Variants in EGFL8 observed in about 807,000 individuals in gnomAD.
EGFL8 encodes EGF like domain multiple 8, also known as epidermal growth factor-like protein 8.
A neutral mutation model predicts 39.4 loss-of-function variants in EGFL8; 32 were observed. The ratio of observed to expected loss-of-function variants is 0.81; its 90% CI spans 0.61 to 1.09. The LOEUF (loss-of-function observed/expected upper bound fraction) is 1.09. EGFL8 is among the 50% of genes least tolerant of loss of function. EGFL8 has a pLI of 0.00. For missense variants in EGFL8, 385 were observed against 402.2 expected, an observed-to-expected ratio of 0.96 and a Z score of 0.37; for synonymous variants, 177 against 168.5, an observed-to-expected ratio of 1.05 and a Z score of -0.39.
At position 32,167,379 on chromosome 6, in the gene EGFL8, C is replaced by G; in HGVS notation, c.631C>G (p.Leu211Val). The G allele has an allele frequency of 6.2e-7, 1 of 1,613,050 alleles. No individual in the cohort carries two copies. Among genetic ancestry groups the G allele is most frequent in the Non-Finnish European group, 8.5e-7 (1 of 1,179,988 alleles). Residue 211 changes from leucine (L) to valine (V), a missense_variant, in exon 7 of 9, where the codon CTG (leucine) becomes GTG (valine). Physicochemically the swap from Leu to Val is conservative, Grantham distance 32. Coordinates refer to ENST00000333845, the MANE Select transcript of EGFL8 (RefSeq NM_030652.4). The surrounding 1 kb of genome is among the most constrained non-coding windows in gnomAD (Gnocchi z 6.4). The stretch of plus-strand genomic sequence containing the variant: ...GGAGGCGGAAAAAGATGAGCGCGCT[C>G]TGAAGCAGGAGATTCACGAGCTGCG... Reference protein sequence around the residue: ...VREAEKDERALKQEIHELRGR... With the variant: ...VREAEKDERAVKQEIHELRGR...
chr6:32,167,233 A>G lies in EGFL8; in HGVS notation c.577A>G (p.Ser193Gly). The G allele has an allele frequency of 1.2e-6, 2 of 1,612,428 alleles. No homozygotes were observed. The highest frequency in any genetic ancestry group is 1.7e-6 in the Non-Finnish European group (2 of 1,179,682). Residue 193 changes from serine (S) to glycine (G), a missense_variant, in exon 6 of 9, where the codon AGT becomes GGT. Transcript: ENST00000333845. This position sits in a 1 kb window ranked among gnomAD's most constrained non-coding sequence, Gnocchi z 6.4. ...GGAGGGGTCCCCAGAGCCCCCAACC[A>G]GTGCCAGCATACTCAGCGTGGCCGG... ...CMEGSPEPPT[S>G]ASILSVAVRE... is the part of the protein sequence containing the mutation.
Position 32,166,796 on chromosome 6 carries a change from C to A in EGFL8, c.320C>A (p.Ala107Glu). 6.4e-7 allele frequency: 1 copy of A among 1,570,074 alleles called. No individual in the cohort carries two copies. Among genetic ancestry groups the A allele is most frequent in the South Asian group, 1.2e-5 (1 of 84,392 alleles). Residue 107 changes from alanine (A) to glutamate (E), a missense_variant, in exon 4 of 9, where the codon GCG becomes GAG. By Grantham distance (107) the Ala-to-Glu change is moderately radical. Coordinates refer to ENST00000333845, the MANE Select transcript of EGFL8 (RefSeq NM_030652.4). The surrounding 1 kb of genome is among the most constrained non-coding windows in gnomAD (Gnocchi z 7.3). ...CQGWKKRHPG[A>E]LTCEAICAKP... ...GGCTGGAAGAAGCGGCACCCGGGGG[C>A]GCTCACCTGTGAAGGTGAGGCTGGG...
chr6:32,166,057 C>T lies in EGFL8; in HGVS notation c.-28-81C>T. Reference sequence around the variant, plus strand: ...TCCTGACTCCCTTAGAGGGTACCTGCAGAGTGCCCTTGGAGGGACTAGTGC... The same window carrying T: ...TCCTGACTCCCTTAGAGGGTACCTGTAGAGTGCCCTTGGAGGGACTAGTGC... On this transcript the variant is annotated intron_variant, in intron 1 of 8. Transcript: ENST00000333845. The surrounding 1 kb of genome is among the most constrained non-coding windows in gnomAD (Gnocchi z 7.3). 1.9e-6 allele frequency: 2 copies of T among 1,072,654 alleles called. No homozygotes were observed. The highest frequency in any genetic ancestry group is 2.8e-6 in the Non-Finnish European group (2 of 702,436). 66.4% of individuals were successfully genotyped at this position (1,072,654 alleles called of 1,614,324 possible). A position where few individuals can be genotyped will look rare whatever the true frequency, so the allele number is the denominator to read the frequency against.
At position 32,165,957 on chromosome 6, in the gene EGFL8, T is replaced by C. The variant is rs1784448311; in HGVS notation, c.-28-181T>C. The C allele has an allele frequency of 4.9e-6, 3 of 611,248 alleles. No homozygotes were observed. The Admixed American group carries it at 8.1e-5, about 16-fold the overall frequency. The allele number at this position is 611,248 out of a possible 1,614,324, so 37.9% of individuals were successfully genotyped here. A position where few individuals can be genotyped will look rare whatever the true frequency, so the allele number is the denominator to read the frequency against. On this transcript the variant is annotated intron_variant, in intron 1 of 8. Coordinates refer to ENST00000333845, the MANE Select transcript of EGFL8 (RefSeq NM_030652.4). ...TTATGATGCTGAAAGGATCATGATA[T>C]GCTAAGGACAGGATAGTGTTGGGTT...
chr6:32,166,331 C>G lies in EGFL8; in HGVS notation c.101+65C>G, dbSNP rs1426996557. ...CAGGAGCCTTCTGCTGGGGGTGGGG[C>G]TTCACAGGAGGCAAAACATAACTGT... On this transcript the variant is annotated intron_variant, in intron 2 of 8. Coordinates refer to ENST00000333845, the MANE Select transcript of EGFL8 (RefSeq NM_030652.4). This position sits in a 1 kb window ranked among gnomAD's most constrained non-coding sequence, Gnocchi z 7.3. 1.3e-6 allele frequency: 2 copies of G among 1,598,094 alleles called. No homozygotes were observed. Among genetic ancestry groups the G allele is most frequent in the African/African-American group, 2.7e-5 (2 of 74,514 alleles).
rs1784516697 is a variant in EGFL8 at position 32,166,680 on chromosome 6, G to A, written c.225-21G>A. On this transcript the variant is annotated intron_variant, in intron 3 of 8. Coordinates refer to ENST00000333845, the MANE Select transcript of EGFL8 (RefSeq NM_030652.4). The surrounding 1 kb of genome is among the most constrained non-coding windows in gnomAD (Gnocchi z 7.3). ...AACTAGGACCCGTACTCAGGGTCCT[G>A]AGCCGGGCGCTGTGTTCCAGGACCA... is the stretch of plus-strand genomic sequence containing the variant. 2.5e-6 allele frequency: 4 copies of A among 1,613,488 alleles called. 1 individual carries two copies. In the South Asian group the frequency reaches 4.4e-5, roughly 18 times the overall value.
At position 32,164,905 on chromosome 6, in the gene EGFL8, G is replaced by T. The variant is rs935552589; in HGVS notation, c.-29+248G>T. Among the ~76,000 whole-genome samples the T allele has an allele frequency of 4.6e-5, 7 of 151,654 alleles. No individual in the cohort carries two copies. Among genetic ancestry groups the T allele is most frequent in the African/African-American group, 1.7e-4 (7 of 41,288 alleles). ...AGGTATATAGCTAGGGGTTTTTTTT[G>T]TTTGTTTGTTTTGTTTGTTTTTTTG... On this transcript the variant is annotated intron_variant, in intron 1 of 8. Transcript: ENST00000333845. This position sits in a 1 kb window ranked among gnomAD's most constrained non-coding sequence, Gnocchi z 5.4.
Position 32,166,235 on chromosome 6 carries a change from G to C in EGFL8, c.70G>C (p.Glu24Gln), listed in dbSNP as rs199859631. 3.1e-6 allele frequency: 5 copies of C among 1,613,994 alleles called. No individual in the cohort carries two copies. Among genetic ancestry groups the C allele is most frequent in the Non-Finnish European group, 4.2e-6 (5 of 1,180,010 alleles). ...CTTCCTCCTGCTACTGATACCAGGCGAGGGGGCCAAGGGTGGATCCCTCAG... is the reference window on the plus strand; with the variant it reads ...CTTCCTCCTGCTACTGATACCAGGCCAGGGGGCCAAGGGTGGATCCCTCAG... ...FSFLLLLIPG[E>Q]GAKGGSLRES... Residue 24 changes from glutamate (E) to glutamine (Q), a missense_variant, in exon 2 of 9, where the codon GAG becomes CAG. Glu to Gln is a conservative substitution (Grantham distance 29). Transcript: ENST00000333845. This position sits in a 1 kb window ranked among gnomAD's most constrained non-coding sequence, Gnocchi z 7.3.
chr6:32,167,830 C>G lies in EGFL8; in HGVS notation c.836-80C>G. On this transcript the variant is annotated intron_variant, in intron 8 of 8. Transcript: ENST00000333845. The surrounding 1 kb of genome is among the most constrained non-coding windows in gnomAD (Gnocchi z 6.4). ...AATCCTGTCCCCAGCCCAACAGTTT[C>G]ACTTATTGTTTGGTGAGAGTGGCAG... The G allele has an allele frequency of 6.4e-7, 1 of 1,557,350 alleles. No homozygotes were observed. The highest frequency in any genetic ancestry group is 2.3e-5 in the East Asian group (1 of 44,322).
rs1300965019 is a variant in EGFL8 at position 32,167,499 on chromosome 6, C to A, written c.682-4C>A. On this transcript the variant is annotated splice_region_variant and splice_polypyrimidine_tract_variant and intron_variant, in intron 7 of 8. Coordinates refer to ENST00000333845, the MANE Select transcript of EGFL8 (RefSeq NM_030652.4). This position sits in a 1 kb window ranked among gnomAD's most constrained non-coding sequence, Gnocchi z 6.4. Reference sequence around the variant, plus strand: ...AATACCCTGAGGCATCTCTTCCTTTCTAGTGGGCCGGTCAGGCTGGGGCCT... The same window carrying A: ...AATACCCTGAGGCATCTCTTCCTTTATAGTGGGCCGGTCAGGCTGGGGCCT... The A allele has an allele frequency of 6.2e-7, 1 of 1,608,702 alleles. No homozygotes were observed. The highest frequency in any genetic ancestry group is 8.5e-7 in the Non-Finnish European group (1 of 1,179,426).
rs765415747 is a variant in EGFL8 at position 32,166,239 on chromosome 6, G to A, written c.74G>A (p.Gly25Glu). Residue 25 changes from glycine (G) to glutamate (E), a missense_variant, in exon 2 of 9, where the codon GGG becomes GAG. By Grantham distance (98) the Gly-to-Glu change is moderately conservative. Transcript: ENST00000333845. This position sits in a 1 kb window ranked among gnomAD's most constrained non-coding sequence, Gnocchi z 7.3. The part of the protein sequence containing the change: ...SFLLLLIPGE[G>E]AKGGSLRESQ... ...CTCCTGCTACTGATACCAGGCGAGG[G>A]GGCCAAGGGTGGATCCCTCAGAGAG... is the stretch of plus-strand genomic sequence containing the variant. The A allele has an allele frequency of 2.5e-6, 4 of 1,613,968 alleles. No homozygotes were observed. In the South Asian group the frequency reaches 3.3e-5, roughly 13 times the overall value.
chr6:32,167,939 G>A lies in EGFL8; in HGVS notation c.865G>A (p.Gly289Ser), dbSNP rs752979540. 1.7e-5 allele frequency: 27 copies of A among 1,614,028 alleles called. No individual in the cohort carries two copies. The Middle Eastern group carries it at 4.9e-4, about 29-fold the overall frequency. The change falls in exon 9 of 9, where the codon GGC (glycine) becomes AGC (serine). Residue 289 changes from glycine (G) to serine (S), a missense_variant. Physicochemically the swap from Gly to Ser is moderately conservative, Grantham distance 56 (BLOSUM62 0). Coordinates refer to ENST00000333845, the MANE Select transcript of EGFL8 (RefSeq NM_030652.4). The surrounding 1 kb of genome is among the most constrained non-coding windows in gnomAD (Gnocchi z 6.4). The stretch of plus-strand genomic sequence containing the variant: ...CTGTGAGGACAACAGCCTGGGCCTC[G>A]GCGTCAATCATCGATAAGAAGCCTC... Reference protein sequence around the residue: ...CSCEDNSLGLGVNHR With the variant: ...CSCEDNSLGLSVNHR
At position 32,166,719 on chromosome 6, in the gene EGFL8, G is replaced by A; in HGVS notation, c.243G>A (p.Met81Ile). Residue 81 changes from methionine to isoleucine, a missense_variant, in exon 4 of 9, where the codon ATG (methionine) becomes ATA (isoleucine). Physicochemically the swap from Met to Ile is conservative, Grantham distance 10. Transcript: ENST00000333845. This position sits in a 1 kb window ranked among gnomAD's most constrained non-coding sequence, Gnocchi z 7.3. ...GTTCCAGGACCATGTACCGCGTTAT[G>A]TGGCGGGAGGTGAGGCGGGAGGTTC... is the stretch of plus-strand genomic sequence containing the variant. ...CSTYRTMYRV[M>I]WREVRREVQQ... The A allele has an allele frequency of 6.2e-7, 1 of 1,600,436 alleles. No homozygotes were observed. The highest frequency in any genetic ancestry group is 8.5e-7 in the Non-Finnish European group (1 of 1,171,228).
rs1179563220 is a variant in EGFL8 at position 32,167,250 on chromosome 6, C to A, written c.594C>A (p.Ser198Arg). Reference protein sequence around the residue: ...PEPPTSASILSVAVREAEKDE... With the variant: ...PEPPTSASILRVAVREAEKDE... ...CCCCAACCAGTGCCAGCATACTCAG[C>A]GTGGCCGGTGAGTGGGCAGGAGTAC... Residue 198 changes from serine (S) to arginine (R), a missense_variant, in exon 6 of 9, where the codon AGC (serine) becomes AGA (arginine). Coordinates refer to ENST00000333845, the MANE Select transcript of EGFL8 (RefSeq NM_030652.4). This position sits in a 1 kb window ranked among gnomAD's most constrained non-coding sequence, Gnocchi z 6.4. 3 of 1,611,692 alleles carry A rather than the reference C, an allele frequency of 1.9e-6. No homozygotes were observed. The highest frequency in any genetic ancestry group is 2.5e-6 in the Non-Finnish European group (3 of 1,179,240).
In EGFL8 at chr6:32,166,803, C is replaced by A. The variant is rs145530750; in HGVS notation, c.327C>A (p.Thr109=). The A allele has an allele frequency of 1.3e-6, 2 of 1,572,030 alleles. No homozygotes were observed. Among genetic ancestry groups the A allele is most frequent in the Non-Finnish European group, 1.7e-6 (2 of 1,157,858 alleles). The change falls in exon 4 of 9, where the codon ACC becomes ACA. Residue 109 remains threonine (T), a synonymous_variant. Transcript: ENST00000333845. The surrounding 1 kb of genome is among the most constrained non-coding windows in gnomAD (Gnocchi z 7.3). ...GWKKRHPGAL[T]CEAICAKPCL... ...AGAAGCGGCACCCGGGGGCGCTCAC[C>A]TGTGAAGGTGAGGCTGGGTCTTCCG...
Position 32,164,725 on chromosome 6 carries a change from C to G in EGFL8, c.-29+68C>G, listed in dbSNP as rs540619155. The stretch of plus-strand genomic sequence containing the variant: ...TCAAATGGGGAAAGAGTGGGGTTTA[C>G]TCAGAGCCTTAGGGTGGGCATGAGT... On this transcript the variant is annotated intron_variant, in intron 1 of 8. Transcript: ENST00000333845. The surrounding 1 kb of genome is among the most constrained non-coding windows in gnomAD (Gnocchi z 5.4). The G allele has an allele frequency of 2.9e-6, 2 of 701,468 alleles. No individual in the cohort carries two copies. Among genetic ancestry groups the G allele is most frequent in the African/African-American group, 1.8e-5 (1 of 56,964 alleles). 43.5% of individuals were successfully genotyped at this position (701,468 alleles called of 1,614,324 possible).
In EGFL8 at chr6:32,167,547, G is replaced by A; in HGVS notation, c.726G>A (p.Val242=). The change falls in exon 8 of 9, where the codon GTG becomes GTA. Residue 242 remains valine, a synonymous_variant. Coordinates refer to ENST00000333845, the MANE Select transcript of EGFL8 (RefSeq NM_030652.4). The surrounding 1 kb of genome is among the most constrained non-coding windows in gnomAD (Gnocchi z 6.4). ...CCTGGGTCAGAGCGGTGCTGCCCGT[G>A]CCGCCTGAAGAGCTGCAGCCAGAAC... ...AGAWVRAVLP[V]PPEELQPEQV... is the part of the protein sequence containing the mutation. 2 of 1,608,874 alleles carry A rather than the reference G, an allele frequency of 1.2e-6. No individual in the cohort carries two copies.
chr6:32,166,124 T>C lies in EGFL8; in HGVS notation c.-28-14T>C. 1 of 1,608,476 alleles carries C rather than the reference T, an allele frequency of 6.2e-7. No individual in the cohort carries two copies. Among genetic ancestry groups the C allele is most frequent in the Non-Finnish European group, 8.5e-7 (1 of 1,174,964 alleles). ...AGAGGGGACGGGCATCCATTAACCT[T>C]TTCTTGCCTGCAGCCTGTAGGGTCC... On this transcript the variant is annotated splice_polypyrimidine_tract_variant and intron_variant, in intron 1 of 8. Transcript: ENST00000333845. This position sits in a 1 kb window ranked among gnomAD's most constrained non-coding sequence, Gnocchi z 7.3.
At position 32,166,440 on chromosome 6, in the gene EGFL8, G is replaced by C; in HGVS notation, c.102-58G>C. On this transcript the variant is annotated intron_variant, in intron 2 of 8. Transcript: ENST00000333845. This position sits in a 1 kb window ranked among gnomAD's most constrained non-coding sequence, Gnocchi z 7.3. ...CCTCTTGAGGGAAGTGGGACTCCTGGCTCCCCAGGGCCTGGCCTACTCAAT... is the reference window on the plus strand; with the variant it reads ...CCTCTTGAGGGAAGTGGGACTCCTGCCTCCCCAGGGCCTGGCCTACTCAAT... 1.2e-6 allele frequency: 2 copies of C among 1,611,604 alleles called. No homozygotes were observed. The highest frequency in any genetic ancestry group is 1.7e-6 in the Non-Finnish European group (2 of 1,178,884).
Sources: gnomAD v4.1 joint callset for allele counts (sites outside exome capture counted in the v4.1 genomes callset) on GRCh38, gnomAD v4.1.1 for gene constraint, Gnocchi (gnomAD v3.1) non-coding constraint, MANE v1.5 for transcripts, NCBI Gene and HGNC (gene_info 2026-07-23, HGNC 2026-07-21) for gene names.